The following USP13 variants were observed in gnomAD, a reference collection of about 807,000 sequenced individuals.
USP13 encodes the protein ubiquitin specific peptidase 13.
A neutral mutation model predicts 107.8 loss-of-function variants in USP13; 68 were observed. That is an observed-to-expected ratio of 0.63 (90% confidence interval 0.52 to 0.77). The LOEUF is 0.77. USP13 is among the 30% of genes least tolerant of loss of function. The pLI, the probability that USP13 is intolerant of heterozygous loss-of-function variation, is 0.00. For missense variants in USP13, 945 were observed against 1,093.3 expected (o/e 0.86, Z 1.91); for synonymous variants, 377 against 389.5 (o/e 0.97, Z 0.38).
intron 1 of USP13, among the ~76,000 whole-genome samples, chr3:179,675,744 C>T (rs1720876090): frequency 6.6e-6 from 1 of 152,042 alleles, no homozygotes; most frequent in Non-Finnish European, 1.5e-5. Context: ...AATGAGGTTT[C>T]ACCATGTTGT....
Position 179,728,582 on chromosome 3 carries a change from C to T in USP13, c.1089-1607C>T, listed in dbSNP as rs541216110. ...ACTCCTCACTTCCCAGACGGGGTGG[C>T]GGCCGGGCAGAGGCTGCAATCTCAG... On this transcript the variant is annotated intron_variant, in intron 8 of 20. Transcript: ENST00000263966. 3.3e-3 allele frequency among the ~76,000 whole-genome samples: 506 copies of T among 151,696 alleles called. 4 individuals are homozygous for T. The highest frequency in any genetic ancestry group is 0.014 in the Middle Eastern group (4 of 294).
At chr3:179,722,105 C>G (rs1256129494) in intron 8 of USP13, among the ~76,000 whole-genome samples, 1 of 151,296 alleles carries the variant, frequency 6.6e-6, no homozygotes, top group African/African-American at 2.4e-5. Context: ...CTCAAAAACA[C>G]CATACAAGGG....
intron 19 of USP13, among the ~76,000 whole-genome samples, chr3:179,777,443 CTTT>C (rs11317182): frequency 1.1e-4 from 13 of 113,676 alleles, no homozygotes; most frequent in Admixed American, 5.0e-4. Flanking sequence ...CTCTCTCTCT[CTTT>C]TTTTTTTTTT....
chr3:179,704,464 C>T (rs1237220591), intron 4 of USP13, among the ~76,000 whole-genome samples: 2 of 152,174 alleles, frequency 1.3e-5, no homozygotes, highest in African/African-American at 2.4e-5. Flanking sequence ...TTCACGCCTG[C>T]CCTCTTCCCT....
intron 1 of USP13, among the ~76,000 whole-genome samples, chr3:179,673,957 ATCTTGGC>A (rs1720819538): frequency 6.6e-6 from 1 of 152,120 alleles, no homozygotes; most frequent in Non-Finnish European, 1.5e-5. Context: ...CAATGGCGCG[ATCTTGGC>A]TCACCGCAAC....
chr3:179,685,012 C>A (rs1711819133), intron 2 of USP13, among the ~76,000 whole-genome samples: 1 of 152,156 alleles, frequency 6.6e-6, no homozygotes, highest in South Asian at 2.1e-4. Context: ...TTGTCCACTG[C>A]TGTGTCCTTA....
chr3:179,775,832 C>T (rs1028719396), intron 19 of USP13, among the ~76,000 whole-genome samples: 7 of 152,330 alleles, frequency 4.6e-5, no homozygotes, highest in South Asian at 2.1e-4. Flanking sequence ...TGCGCAGCCC[C>T]GGTTCCTGCC....
At chr3:179,754,576 T>C (rs553952935) in intron 14 of USP13, among the ~76,000 whole-genome samples, 156 bp from the exon 15 acceptor site, 169 of 152,296 alleles carry the variant, frequency 1.1e-3, no homozygotes, top group African/African-American at 4.0e-3. Flanking sequence ...AATATCTGGT[T>C]AGTCTTCATG....
intron 1 of USP13, among the ~76,000 whole-genome samples, chr3:179,659,471 G>C (rs955701344): frequency 8.5e-5 from 13 of 152,294 alleles, no homozygotes; most frequent in Middle Eastern, 3.4e-3. Flanking sequence ...GTAGCAGTCT[G>C]TGTGTTAATA....
intron 14 of USP13, among the ~76,000 whole-genome samples, chr3:179,754,188 T>C (rs1309096566): frequency 6.6e-6 from 1 of 152,080 alleles, no homozygotes; most frequent in African/African-American, 2.4e-5. Flanking sequence ...AAAGATGAAC[T>C]AGAAAAACTG....
chr3:179,710,489 C>G (rs1373532496), intron 6 of USP13, among the ~76,000 whole-genome samples: 1 of 152,082 alleles, frequency 6.6e-6, no homozygotes, highest in African/African-American at 2.4e-5. Flanking sequence ...TATAACTGTT[C>G]GTATATGCAG....
intron 13 of USP13, 66 bp downstream of exon 13, chr3:179,745,283 A>C: frequency 1.5e-6 from 2 of 1,359,492 alleles, no homozygotes; most frequent in East Asian, 2.4e-5. Flanking sequence ...GACAGGGGTA[A>C]GGGAAAGGGG....
rs1714217448 is a variant in USP13 at position 179,742,010 on chromosome 3, AATCCCC to A, written c.1381-184_1381-179del. 2.6e-5 allele frequency among the ~76,000 whole-genome samples: 4 copies of A among 152,116 alleles called. No homozygotes were observed. In the South Asian group the frequency reaches 8.3e-4, roughly 32 times the overall value. ...ATGATGAACTATATTTTATTTTACC[AATCCCC>A]ATTTTTGGACTTTAGATAAATTCCA... is the stretch of plus-strand genomic sequence containing the variant. On this transcript the variant is annotated intron_variant, in intron 11 of 20. Transcript: ENST00000263966. The surrounding 1 kb of genome is among the most constrained non-coding windows in gnomAD (Gnocchi z 5.0).
chr3:179,659,334 T>C (rs1720388220), intron 1 of USP13, among the ~76,000 whole-genome samples: 1 of 152,202 alleles, frequency 6.6e-6, no homozygotes, highest in Non-Finnish European at 1.5e-5. Flanking sequence ...CTCTCAGGCA[T>C]TGCCAGTAAT....
At chr3:179,708,457 G>A (rs1022306480) in intron 5 of USP13, among the ~76,000 whole-genome samples, 17 of 150,698 alleles carry the variant, frequency 1.1e-4, no homozygotes, top group African/African-American at 4.1e-4. Context: ...TGGGATTACA[G>A]GTGCCCACCA....
At chr3:179,731,208 C>T (rs113816391) in intron 10 of USP13, among the ~76,000 whole-genome samples, 9 of 152,078 alleles carry the variant, frequency 5.9e-5, no homozygotes, top group Non-Finnish European at 1.2e-4. Context: ...GTTGGGAGTT[C>T]GAGACCAGCC....
At chr3:179,685,664 CA>C (rs1193630854) in intron 2 of USP13, among the ~76,000 whole-genome samples, 1 of 151,338 alleles carries the variant, frequency 6.6e-6, no homozygotes, top group Non-Finnish European at 1.5e-5. Flanking sequence ...AACAGAGGCC[CA>C]GAGACTTAGT....
chr3:179,709,750 T>C (rs1216684270), intron 6 of USP13, among the ~76,000 whole-genome samples: 2 of 152,224 alleles, frequency 1.3e-5, no homozygotes, highest in African/African-American at 2.4e-5. Context: ...TCTGGACTGA[T>C]ACCCAGCTGG....
intron 1 of USP13, among the ~76,000 whole-genome samples, chr3:179,669,647 A>T (rs1720688921): frequency 6.6e-6 from 1 of 152,104 alleles, no homozygotes; most frequent in Non-Finnish European, 1.5e-5. Flanking sequence ...TTTGTGTCTC[A>T]GCTGTCCAGT....
Sources: allele counts gnomAD v4.1 joint callset (sites outside exome capture counted in the v4.1 genomes callset), GRCh38; gene constraint gnomAD v4.1.1; non-coding constraint Gnocchi (gnomAD v3.1); transcripts MANE v1.5; gene names NCBI Gene and HGNC (gene_info 2026-07-23, HGNC 2026-07-21).